TDRD12: variants seen among roughly 807,000 people sequenced by gnomAD.
TDRD12 encodes tudor domain containing 12, also known as putative ATP-dependent RNA helicase TDRD12.
In TDRD12, 158 loss-of-function variants were observed where a neutral mutation model predicts 133.5. That is an observed-to-expected ratio of 1.18 (90% CI 1.04 to 1.35). TDRD12 has a LOEUF of 1.35. Ranked by LOEUF, TDRD12 falls within the 40% of genes most tolerant of loss-of-function variation. TDRD12 has a pLI of 0.00. For missense variants in TDRD12, 1,443 were observed against 1,321.3 expected (o/e 1.09, Z -1.43); for synonymous variants, 460 against 477.9 (o/e 0.96, Z 0.49).
chr19:32,822,150 T>C (rs1967419456), downstream of TDRD12, among the ~76,000 whole-genome samples: 4 of 151,576 alleles, frequency 2.6e-5, no homozygotes, highest in South Asian at 8.3e-4. Flanking sequence ...ACAAAACTGG[T>C]TGGGCACGGT....
intron 8 of TDRD12, among the ~76,000 whole-genome samples, chr19:32,764,965 G>A (rs941331394): frequency 7.2e-5 from 11 of 152,020 alleles, no homozygotes; most frequent in African/African-American, 2.4e-4. Flanking sequence ...TACAGAATGG[G>A]AGAAAATTTT....
intron 1 of TDRD12, among the ~76,000 whole-genome samples, chr19:32,720,731 C>G (rs1423250746): frequency 1.6e-5 from 1 of 63,638 alleles, no homozygotes; most frequent in Non-Finnish European, 3.1e-5. Flanking sequence ...CCCACACACC[C>G]CACCACCACC....
At chr19:32,732,768 A>G (rs1452412642) in intron 2 of TDRD12, among the ~76,000 whole-genome samples, 1 of 152,250 alleles carries the variant, frequency 6.6e-6, no homozygotes, top group Non-Finnish European at 1.5e-5. Flanking sequence ...ATCATTAATA[A>G]CATAATTTAT....
chr19:32,823,030 C>T (rs1279523395), downstream of TDRD12, among the ~76,000 whole-genome samples: 4 of 152,252 alleles, frequency 2.6e-5, no homozygotes, highest in East Asian at 1.9e-4. Context: ...GCTTTCCACA[C>T]TGCAGATGTT....
chr19:32,768,207 C>T (rs1261173561), intron 8 of TDRD12, among the ~76,000 whole-genome samples: 1 of 152,098 alleles, frequency 6.6e-6, no homozygotes, highest in African/African-American at 2.4e-5. Flanking sequence ...TGATCTGGAG[C>T]AAGGACTGAA....
intron 2 of TDRD12, among the ~76,000 whole-genome samples, chr19:32,734,679 A>G (rs1035243780): frequency 6.6e-6 from 1 of 151,846 alleles, no homozygotes; most frequent in African/African-American, 2.4e-5. Flanking sequence ...GGCCCTTTAC[A>G]CTTTTAAGTA....
intron 2 of TDRD12, 49 bp from the exon 3 acceptor site, chr19:32,738,807 T>C: frequency 6.5e-7 from 1 of 1,537,866 alleles, no homozygotes; most frequent in Non-Finnish European, 8.8e-7. Context: ...AGTAACACTC[T>C]GTCTCAAAAA....
chr19:32,780,696 C>T (rs1007949487), intron 11 of TDRD12, among the ~76,000 whole-genome samples: 7 of 152,074 alleles, frequency 4.6e-5, no homozygotes, highest in Non-Finnish European at 1.0e-4. Context: ...GTGAGTGCTG[C>T]GGAGCTCTGC....
At chr19:32,812,616 G>T (rs1190498971) in intron 24 of TDRD12, among the ~76,000 whole-genome samples, 1 of 152,184 alleles carries the variant, frequency 6.6e-6, no homozygotes, top group African/African-American at 2.4e-5. Context: ...GGGTTCTGGG[G>T]ATGTAGCCGT....
chr19:32,811,823 C>T (rs925052099), intron 24 of TDRD12, among the ~76,000 whole-genome samples: 3 of 152,140 alleles, frequency 2.0e-5, no homozygotes, highest in South Asian at 2.1e-4. Context: ...GATCTATGAT[C>T]GTGTCACTGC....
chr19:32,729,891 C>T (rs1221680378), intron 1 of TDRD12, among the ~76,000 whole-genome samples: 4 of 146,310 alleles, frequency 2.7e-5, no homozygotes, highest in African/African-American at 7.5e-5. Context: ...CCCGGTTTCA[C>T]ACCATTCTCC....
chr19:32,740,811 G>T (rs531167480), intron 3 of TDRD12, among the ~76,000 whole-genome samples: 1 of 152,336 alleles, frequency 6.6e-6, no homozygotes, highest in East Asian at 1.9e-4. Flanking sequence ...TTAAATGAGG[G>T]AGGGTGTGAC....
At chr19:32,727,810 G>A (rs537683871) in intron 1 of TDRD12, among the ~76,000 whole-genome samples, 8 of 152,082 alleles carry the variant, frequency 5.3e-5, no homozygotes, top group South Asian at 2.1e-4. Context: ...CTGGGATTAC[G>A]GGCATGTACC....
intron 15 of TDRD12, 111 bp from the exon 16 acceptor site, chr19:32,798,197 T>C: frequency 9.6e-7 from 1 of 1,044,296 alleles, no homozygotes; most frequent in Middle Eastern, 2.3e-4. Context: ...ACAGAAACAG[T>C]GTTTTACTTC....
At chr19:32,728,407 C>T (rs1413232678) in intron 1 of TDRD12, among the ~76,000 whole-genome samples, 2 of 151,892 alleles carry the variant, frequency 1.3e-5, no homozygotes, top group African/African-American at 4.8e-5. Flanking sequence ...GATGTCTTTC[C>T]ATTTATTTAT....
intron 2 of TDRD12, among the ~76,000 whole-genome samples, chr19:32,737,422 C>G (rs920076315): frequency 1.3e-5 from 2 of 152,090 alleles, no homozygotes; most frequent in Non-Finnish European, 2.9e-5. Flanking sequence ...TCAGGCTGCT[C>G]TTGAACTCCT....
chr19:32,802,966 G>T (rs1971443163), exon 21 of TDRD12: 7 of 1,536,038 alleles, frequency 4.6e-6, no homozygotes, highest in Non-Finnish European at 6.1e-6. Flanking sequence ...AATCTGTCTT[G>T]CTGCTGACGG....
chr19:32,738,775 T>C, intron 2 of TDRD12, 81 bp from the exon 3 acceptor site: 1 of 1,425,034 alleles, frequency 7.0e-7, no homozygotes, highest in South Asian at 1.4e-5. Context: ...ATTGTGCCAC[T>C]GCACTCCAGC....
intron 1 of TDRD12, among the ~76,000 whole-genome samples, chr19:32,727,946 G>A (rs958387037): frequency 6.6e-6 from 1 of 152,162 alleles, no homozygotes; most frequent in Non-Finnish European, 1.5e-5. Flanking sequence ...GGGATTACAG[G>A]TGTGAGCCAT....
Sources: gnomAD v4.1 joint callset for allele counts (sites outside exome capture counted in the v4.1 genomes callset) on GRCh38, gnomAD v4.1.1 for gene constraint, MANE v1.5 for transcripts, NCBI Gene and HGNC (gene_info 2026-07-23, HGNC 2026-07-21) for gene names.